Variants in CDH12 observed in about 807,000 individuals in gnomAD.
The protein encoded by CDH12 is cadherin 12.
Under a neutral mutation model 74.1 loss-of-function variants are expected in CDH12, and 41 were observed. The observed-to-expected ratio is 0.55, with a 90% confidence interval of 0.43 to 0.72. The LOEUF is 0.72. Ranked by LOEUF, CDH12 falls within the 30% of genes least tolerant of loss-of-function variation. The pLI is 0.00. For missense variants in CDH12, 945 were observed against 977.2 expected (o/e 0.97, Z 0.44); for synonymous variants, 399 against 355.0 (o/e 1.12, Z -1.39).
At chr5:22,311,411 T>C (rs1185826539) in intron 3 of CDH12, among the ~76,000 whole-genome samples, 1 of 152,034 alleles carries the variant, frequency 6.6e-6, no homozygotes. Flanking sequence ...AAAATACCTT[T>C]AAACAATTGT....
chr5:22,679,003 G>A (rs968007855), intron 1 of CDH12, among the ~76,000 whole-genome samples: 2 of 152,072 alleles, frequency 1.3e-5, no homozygotes, highest in African/African-American at 4.8e-5. Flanking sequence ...CCAAGTTCAT[G>A]GAGTACAGTT....
intron 1 of CDH12, among the ~76,000 whole-genome samples, chr5:22,669,756 A>G (rs970713823): frequency 1.3e-5 from 2 of 152,194 alleles, no homozygotes; most frequent in African/African-American, 4.8e-5. Context: ...CTGGATCACC[A>G]CACACTTCCA....
chr5:22,739,096 C>T (rs974832731), intron 1 of CDH12, among the ~76,000 whole-genome samples: 12 of 151,772 alleles, frequency 7.9e-5, no homozygotes, highest in African/African-American at 2.7e-4. Flanking sequence ...AACTAAAGCT[C>T]AAATGTCACT....
At chr5:22,140,068 T>C (rs578160509) in intron 4 of CDH12, among the ~76,000 whole-genome samples, 1 of 152,230 alleles carries the variant, frequency 6.6e-6, no homozygotes, top group East Asian at 1.9e-4. Flanking sequence ...CCCCTTTGCA[T>C]AGCTAATTTA....
At chr5:22,492,228 G>A (rs1050725595) in intron 2 of CDH12, among the ~76,000 whole-genome samples, 1 of 152,078 alleles carries the variant, frequency 6.6e-6, no homozygotes, top group African/African-American at 2.4e-5. Context: ...AAGAGAAGCT[G>A]CAGGGCAGGA....
chr5:22,093,491 A>G (rs779139557), intron 4 of CDH12, among the ~76,000 whole-genome samples: 35 of 152,200 alleles, frequency 2.3e-4, no homozygotes, highest in South Asian at 2.1e-4. Flanking sequence ...ATTTTAAAAC[A>G]TTTTGCAAAT....
At chr5:22,277,521 G>A (rs549490808) in intron 3 of CDH12, among the ~76,000 whole-genome samples, 9 of 152,120 alleles carry the variant, frequency 5.9e-5, no homozygotes, top group Non-Finnish European at 1.0e-4. Context: ...TTTTGTGACA[G>A]ACGTATGTTC....
At chr5:22,376,726 T>C (rs1304710100) in intron 3 of CDH12, among the ~76,000 whole-genome samples, 2 of 149,556 alleles carry the variant, frequency 1.3e-5, no homozygotes, top group African/African-American at 2.5e-5. Flanking sequence ...TCTCATTATA[T>C]TGCCCAGGCC....
intron 6 of CDH12, among the ~76,000 whole-genome samples, chr5:21,973,046 GT>G (rs1164161888): frequency 1.6e-4 from 16 of 100,808 alleles, no homozygotes; most frequent in Non-Finnish European, 2.4e-4. Context: ...TCTACAAAAA[GT>G]AAAAAAAAAA....
rs1391313909 is a variant in CDH12, at chr5:22,539,095, T to A, written c.-522-33731A>T. ...TTAATAATATTACAATGCAAAGTGA[T>A]CTAAACAGTTATAAGAAGAGCTTGC... is the stretch of plus-strand genomic sequence containing the variant. On this transcript the variant is annotated intron_variant, in intron 1 of 14. Transcript: ENST00000382254. 7.2e-5 allele frequency among the ~76,000 whole-genome samples: 11 copies of A among 152,222 alleles called. 1 individual carries two copies.
Position 22,644,307 on chromosome 5 carries a change from A to T in CDH12, c.-522-138943T>A, listed in dbSNP as rs148976887. 3.3e-3 allele frequency among the ~76,000 whole-genome samples: 505 copies of T among 152,236 alleles called. 1 individual carries two copies. The highest frequency in any genetic ancestry group is 9.1e-3 in the African/African-American group (380 of 41,550). ...AAAAGAAAAGTTATTGAAAAAATTT[A>T]AAATGCTACTCTAGTGAACACATGA... On this transcript the variant is annotated intron_variant, in intron 1 of 14. Coordinates refer to ENST00000382254, the MANE Select transcript of CDH12 (RefSeq NM_004061.5).
chr5:22,016,748 G>T (rs1737634871), intron 5 of CDH12, among the ~76,000 whole-genome samples: 1 of 152,072 alleles, frequency 6.6e-6, no homozygotes, highest in Non-Finnish European at 1.5e-5. Flanking sequence ...ATCTTGCACA[G>T]CAACTCTTGG....
intron 2 of CDH12, among the ~76,000 whole-genome samples, chr5:22,429,327 C>T (rs1463096584): frequency 2.6e-5 from 4 of 151,662 alleles, no homozygotes; most frequent in Non-Finnish European, 5.9e-5. Flanking sequence ...TTTTTAGAGA[C>T]ACTTTTTTGC....
chr5:22,798,037 A>G (rs919304214), intron 1 of CDH12, among the ~76,000 whole-genome samples: 1 of 152,214 alleles, frequency 6.6e-6, no homozygotes, highest in African/African-American at 2.4e-5. Context: ...AACTTATGAC[A>G]AAAGAAAAGA....
intron 1 of CDH12, among the ~76,000 whole-genome samples, chr5:22,653,585 A>C (rs746774760): frequency 3.9e-5 from 6 of 152,182 alleles, no homozygotes; most frequent in African/African-American, 1.4e-4. Flanking sequence ...GCTGCATGCA[A>C]ATCCTTTGCT....
intron 1 of CDH12, among the ~76,000 whole-genome samples, chr5:22,837,322 T>G (rs1003549604): frequency 7.2e-5 from 11 of 152,014 alleles, no homozygotes; most frequent in Admixed American, 2.6e-4. Context: ...GCAGGAGGAT[T>G]GCTTGAGCCC....
intron 8 of CDH12, among the ~76,000 whole-genome samples, chr5:21,841,945 A>G (rs1749881336): frequency 6.6e-6 from 1 of 151,732 alleles, no homozygotes. Context: ...CCAGCATGGC[A>G]CATGTATACA....
At chr5:22,565,792 C>T (rs1739255683) in intron 1 of CDH12, among the ~76,000 whole-genome samples, 1 of 151,922 alleles carries the variant, frequency 6.6e-6, no homozygotes, top group African/African-American at 2.4e-5. Flanking sequence ...TCTGTAGTCT[C>T]CTACATTTTT....
At chr5:22,336,619 C>A (rs575601695) in intron 3 of CDH12, among the ~76,000 whole-genome samples, 27 of 152,310 alleles carry the variant, frequency 1.8e-4, no homozygotes, top group African/African-American at 6.5e-4. Context: ...CAAGCCTTAG[C>A]AGTTTCCACA....
Sources: gnomAD v4.1 joint callset for allele counts (sites outside exome capture counted in the v4.1 genomes callset) on GRCh38, gnomAD v4.1.1 for gene constraint, MANE v1.5 for transcripts, NCBI Gene and HGNC (gene_info 2026-07-23, HGNC 2026-07-21) for gene names.